ASCC1: variants seen among roughly 807,000 people sequenced by gnomAD.
ASCC1 encodes the protein activating signal cointegrator 1 complex subunit 1, also known as ASC-1 complex subunit P50.
In ASCC1, 35 loss-of-function variants were observed where a neutral mutation model predicts 46.6. That is an observed-to-expected ratio of 0.75 (90% confidence interval 0.57 to 0.99). The LOEUF (loss-of-function observed/expected upper bound fraction) is 0.99, where lower values mean the gene tolerates loss of function less well. Ranked by LOEUF, ASCC1 falls within the 50% of genes least tolerant of loss-of-function variation. The pLI, the probability that ASCC1 is intolerant of heterozygous loss-of-function variation, is 0.00. For missense variants in ASCC1, 376 were observed against 428.7 expected, an observed-to-expected ratio of 0.88 and a Z score of 1.09; for synonymous variants, 143 against 146.6, an observed-to-expected ratio of 0.98 and a Z score of 0.18.
chr10:72,193,960 G>A (rs548915290), intron 5 of ASCC1, among the ~76,000 whole-genome samples: 21 of 150,548 alleles, frequency 1.4e-4, no homozygotes, highest in African/African-American at 2.4e-4. Flanking sequence ...TCAGCCTCAC[G>A]AGTAACTGGG....
chr10:72,211,303 CA>C (rs1589663111), intron 2 of ASCC1, among the ~76,000 whole-genome samples: 1 of 152,260 alleles, frequency 6.6e-6, no homozygotes, highest in East Asian at 1.9e-4. Flanking sequence ...TAAACTTTAT[CA>C]AAGGTTTCTA....
intron 5 of ASCC1, among the ~76,000 whole-genome samples, chr10:72,172,107 G>C: frequency 1.3e-5 from 2 of 152,120 alleles, no homozygotes; most frequent in East Asian, 1.9e-4. Context: ...CAATTTTGAA[G>C]TTTTTTTAGA....
At chr10:72,167,700 T>C (rs919431417) in intron 5 of ASCC1, among the ~76,000 whole-genome samples, 13 of 151,346 alleles carry the variant, frequency 8.6e-5, no homozygotes, top group South Asian at 2.1e-4. Context: ...TGCAGTGGCA[T>C]GATCATGAAT....
chr10:72,154,313 G>C (rs1848700123), intron 6 of ASCC1, among the ~76,000 whole-genome samples: 1 of 152,052 alleles, frequency 6.6e-6, no homozygotes, highest in Non-Finnish European at 1.5e-5. Flanking sequence ...AAAAGGCTGG[G>C]GGAAATATAA....
At chr10:72,129,016 G>A (rs978857833) in intron 8 of ASCC1, among the ~76,000 whole-genome samples, 2 of 152,088 alleles carry the variant, frequency 1.3e-5, no homozygotes, top group Non-Finnish European at 2.9e-5. Context: ...ATTTAAGTAC[G>A]TTATTTTACT....
chr10:72,117,052 C>A (rs112882396), intron 9 of ASCC1, among the ~76,000 whole-genome samples: 1 of 152,310 alleles, frequency 6.6e-6, no homozygotes, highest in African/African-American at 2.4e-5. Flanking sequence ...CCTGCCTCAG[C>A]CTCCCAAAGT....
rs537036146 is a variant in ASCC1, at chr10:72,167,987, G to A, written c.490-6313C>T. 8.3e-4 allele frequency among the ~76,000 whole-genome samples: 126 copies of A among 152,114 alleles called. 1 individual carries two copies. The Middle Eastern group carries it at 0.01, about 12-fold the overall frequency. On this transcript the variant is annotated intron_variant, in intron 5 of 9. Coordinates refer to ENST00000672957, the MANE Select transcript of ASCC1 (RefSeq NM_001198800.3). ...AGGGGGATCACGAGGTCAGGAGATCGGGACCATCCTGGCTAACACAGTGAA... is the reference window on the plus strand; with the variant it reads ...AGGGGGATCACGAGGTCAGGAGATCAGGACCATCCTGGCTAACACAGTGAA...
At chr10:72,166,576 A>G (rs1850377319) in intron 5 of ASCC1, among the ~76,000 whole-genome samples, 1 of 152,210 alleles carries the variant, frequency 6.6e-6, no homozygotes, top group Non-Finnish European at 1.5e-5. Flanking sequence ...AAAAGAAAAA[A>G]AAATGGATAA....
intron 5 of ASCC1, among the ~76,000 whole-genome samples, chr10:72,180,349 G>C (rs1050850383): frequency 6.6e-6 from 1 of 151,986 alleles, no homozygotes; most frequent in African/African-American, 2.4e-5. Flanking sequence ...GAGCTACCCA[G>C]GCACGGTGGA....
intron 9 of ASCC1, among the ~76,000 whole-genome samples, chr10:72,118,666 C>A (rs1235630099): frequency 1.3e-5 from 2 of 151,746 alleles, no homozygotes; most frequent in Admixed American, 6.6e-5. Flanking sequence ...GTAGTCCCAG[C>A]TACTCAGGAT....
intron 6 of ASCC1, chr10:72,158,908 A>G (rs1255712497): frequency 1.3e-5 from 2 of 152,248 alleles, no homozygotes; most frequent in Non-Finnish European, 2.9e-5. Context: ...TCAAAGAGCA[A>G]GAAAAAATTC....
rs181650940 is a variant in ASCC1 at position 72,096,701 on chromosome 10, A to G, written c.*633T>C. ...TGGAGGAACAGAGTGTGGTACGCAC[A>G]TGTAACGGAACATTCCATTATATGT... On this transcript the variant is annotated 3_prime_UTR_variant, in exon 10 of 10. Transcript: ENST00000672957. 2 of 454,170 alleles carry G rather than the reference A, an allele frequency of 4.4e-6. No individual in the cohort carries two copies. The highest frequency in any genetic ancestry group is 1.6e-5 in the South Asian group (1 of 64,482). 28.1% of individuals were successfully genotyped at this position (454,170 alleles called of 1,614,324 possible).
At chr10:72,171,633 T>C (rs1236979850) in intron 5 of ASCC1, among the ~76,000 whole-genome samples, 1 of 152,146 alleles carries the variant, frequency 6.6e-6, no homozygotes, top group Non-Finnish European at 1.5e-5. Context: ...GCCAGGCTGA[T>C]CTCGAACTCC....
chr10:72,126,218 G>A (rs1021055041), intron 9 of ASCC1, among the ~76,000 whole-genome samples: 30 of 152,196 alleles, frequency 2.0e-4, no homozygotes, highest in Non-Finnish European at 1.3e-4. Flanking sequence ...ACTAACTAGC[G>A]GTACCTCTGG....
chr10:72,208,491 G>T (rs746127381), intron 3 of ASCC1, among the ~76,000 whole-genome samples: 34 of 152,128 alleles, frequency 2.2e-4, no homozygotes, highest in Non-Finnish European at 4.4e-4. Flanking sequence ...CGGGTGCGGT[G>T]GCTCACGCCT....
chr10:72,173,753 A>T (rs528311858), intron 5 of ASCC1, among the ~76,000 whole-genome samples: 1 of 143,226 alleles, frequency 7.0e-6, no homozygotes, highest in Non-Finnish European at 1.5e-5. Flanking sequence ...TGCTCGGAAT[A>T]TATCATCATA....
intron 9 of ASCC1, among the ~76,000 whole-genome samples, chr10:72,104,183 A>C (rs970028563): frequency 6.6e-6 from 1 of 152,118 alleles, no homozygotes; most frequent in African/African-American, 2.4e-5. Flanking sequence ...ATTGCCCCTT[A>C]ATGTGAGTGG....
At chr10:72,144,654 G>A (rs1847426090) in intron 7 of ASCC1, among the ~76,000 whole-genome samples, 1 of 150,784 alleles carries the variant, frequency 6.6e-6, no homozygotes, top group Non-Finnish European at 1.5e-5. Flanking sequence ...TTTTTACTAT[G>A]TACATTTAGC....
intron 7 of ASCC1, among the ~76,000 whole-genome samples, chr10:72,141,074 T>C (rs564577354): frequency 3.4e-4 from 51 of 150,046 alleles, no homozygotes; most frequent in Middle Eastern, 3.5e-3. Flanking sequence ...GATAGATAGA[T>C]AGATAGATAG....
Sources: allele counts gnomAD v4.1 joint callset (sites outside exome capture counted in the v4.1 genomes callset), GRCh38; gene constraint gnomAD v4.1.1; transcripts MANE v1.5; gene names NCBI Gene and HGNC (gene_info 2026-07-23, HGNC 2026-07-21).